The following TLCD4 variants were observed in gnomAD, a reference collection of about 807,000 sequenced individuals.
TLCD4 encodes the protein TLC domain-containing protein 4.
TLCD4 carries 7 observed loss-of-function variants against 24.2 expected under a neutral mutation model. The observed-to-expected ratio is 0.29, with a 90% CI of 0.16 to 0.54. The LOEUF (loss-of-function observed/expected upper bound fraction) is 0.54. TLCD4 is among the 20% of genes least tolerant of loss of function. The probability of loss-of-function intolerance (pLI) is 0.95; values close to 1 mark genes in which losing one functional copy is unlikely to be tolerated. For missense variants in TLCD4, 259 were observed against 313.9 expected (o/e 0.82, Z 1.32); for synonymous variants, 103 against 106.4 (o/e 0.97, Z 0.20).
intron 1 of TLCD4, among the ~76,000 whole-genome samples, chr1:95,119,161 A>T (rs1033000017): frequency 1.3e-4 from 20 of 152,208 alleles, no homozygotes; most frequent in African/African-American, 4.6e-4. Context: ...GGTCTTTGCT[A>T]CTAATGCTTT....
In TLCD4 at chr1:95,194,898, C is replaced by T. The variant is rs1439628882; in HGVS notation, c.*3030C>T. On this transcript the variant is annotated 3_prime_UTR_variant, in exon 7 of 7. Coordinates refer to ENST00000370203, the MANE Select transcript of TLCD4 (RefSeq NM_152487.3). ...ATGAGTGCAAAGAAATTGACTTCTG[C>T]TCAAATATGTGTTGATACCCTACAG... 6.6e-6 allele frequency: 1 copy of T among 152,110 alleles called. No individual in the cohort carries two copies. The highest frequency in any genetic ancestry group is 1.9e-4 in the East Asian group (1 of 5,196). 9.4% of individuals were successfully genotyped at this position (152,110 alleles called of 1,614,324 possible). A position where few individuals can be genotyped will look rare whatever the true frequency, so the allele number is the denominator to read the frequency against.
At chr1:95,097,049 A>G in the TLCD4 span, among the ~76,000 whole-genome samples, 1 of 151,652 alleles carries the variant, frequency 6.6e-6, no homozygotes, top group Non-Finnish European at 1.5e-5. Flanking sequence ...CTCCTTCCAC[A>G]TCTCCAAGTT....
intron 6 of TLCD4, among the ~76,000 whole-genome samples, chr1:95,190,919 T>C (rs1034988253): frequency 6.6e-6 from 1 of 152,198 alleles, no homozygotes; most frequent in Non-Finnish European, 1.5e-5. Context: ...TTTTTCCTAG[T>C]GTGTGGTTGT....
intron 1 of TLCD4, among the ~76,000 whole-genome samples, chr1:95,119,737 G>A (rs1676519180): frequency 6.6e-6 from 1 of 152,084 alleles, no homozygotes; most frequent in African/African-American, 2.4e-5. Context: ...CTCTCTCAAA[G>A]CTGGTCTTGC....
At chr1:95,159,618 C>G (rs1420280924) in intron 5 of TLCD4, among the ~76,000 whole-genome samples, 1 of 152,138 alleles carries the variant, frequency 6.6e-6, no homozygotes, top group African/African-American at 2.4e-5. Flanking sequence ...AGGTTTTCTT[C>G]TAGAGTTTTT....
rs1326824966 is a variant in TLCD4, at chr1:95,158,269, C to G, written c.399+6850C>G. Among the ~76,000 whole-genome samples the G allele has an allele frequency of 2.0e-5, 3 of 148,928 alleles. No individual in the cohort carries two copies. The East Asian group carries it at 6.0e-4, about 30-fold the overall frequency. The stretch of plus-strand genomic sequence containing the variant: ...GTGGCACTGTCAGGGCTCACTGCAG[C>G]CTTGACCTCCCAGGGCCAAGCGATC... On this transcript the variant is annotated intron_variant, in intron 5 of 6. Transcript: ENST00000370203.
intron 1 of TLCD4, among the ~76,000 whole-genome samples, chr1:95,139,455 ATTTTTTTTT>A (rs200337389): frequency 3.2e-5 from 3 of 93,992 alleles, no homozygotes; most frequent in East Asian, 2.8e-4. Flanking sequence ...TAAACCTTTG[ATTTTTTTTT>A]TTTTTTTTTT....
chr1:95,152,190 T>C (rs1197614550), intron 5 of TLCD4, among the ~76,000 whole-genome samples: 1 of 152,010 alleles, frequency 6.6e-6, no homozygotes, highest in African/African-American at 2.4e-5. Flanking sequence ...TTAGATGAAA[T>C]GATGAATGTT....
chr1:95,097,359 C>T, the TLCD4 span, among the ~76,000 whole-genome samples: 1 of 152,194 alleles, frequency 6.6e-6, no homozygotes, highest in African/African-American at 2.4e-5. Flanking sequence ...AACCCAAGTT[C>T]TCTAGGCACA....
At chr1:95,171,933 C>T (rs1451772528) in intron 5 of TLCD4, among the ~76,000 whole-genome samples, 1 of 152,168 alleles carries the variant, frequency 6.6e-6, no homozygotes, top group African/African-American at 2.4e-5. Flanking sequence ...CCCTAATCCA[C>T]TATGACTGGT....
At chr1:95,149,915 T>C (rs1345320808) in intron 3 of TLCD4, among the ~76,000 whole-genome samples, 2 of 152,186 alleles carry the variant, frequency 1.3e-5, no homozygotes, top group African/African-American at 4.8e-5. Context: ...TATTAAATAT[T>C]TGTAGTCCAG....
intron 5 of TLCD4, among the ~76,000 whole-genome samples, chr1:95,160,546 G>A (rs1450792616): frequency 6.6e-6 from 1 of 152,154 alleles, no homozygotes; most frequent in Non-Finnish European, 1.5e-5. Context: ...ATACTATGTT[G>A]AATAGGAGTG....
intron 1 of TLCD4, among the ~76,000 whole-genome samples, chr1:95,133,380 A>G (rs866576638): frequency 2.8e-4 from 30 of 106,032 alleles, no homozygotes; most frequent in African/African-American, 1.5e-3. Context: ...AACTTAAAGT[A>G]TAATTAAAAA....
upstream of TLCD4, among the ~76,000 whole-genome samples, chr1:95,115,322 G>C (rs968611276): frequency 6.6e-6 from 1 of 152,012 alleles, no homozygotes; most frequent in African/African-American, 2.4e-5. Flanking sequence ...TGGTCAGGCT[G>C]GTCTCGAACT....
In TLCD4 at chr1:95,192,043, T is replaced by C; in HGVS notation, c.*175T>C. ...CGGGCACGGTGGCTCATGCCTGTAA[T>C]CCCAGCACTTTGGGAGGCCAAGGTG... is the stretch of plus-strand genomic sequence containing the variant. On this transcript the variant is annotated 3_prime_UTR_variant, in exon 7 of 7. Coordinates refer to ENST00000370203, the MANE Select transcript of TLCD4 (RefSeq NM_152487.3). The C allele has an allele frequency of 7.1e-7, 1 of 1,405,018 alleles. No individual in the cohort carries two copies. The highest frequency in any genetic ancestry group is 9.2e-7 in the Non-Finnish European group (1 of 1,084,026). The allele number at this position is 1,405,018 out of a possible 1,614,324, so 87.0% of individuals were successfully genotyped here.
chr1:95,118,922 T>C (rs1009318203), intron 1 of TLCD4, among the ~76,000 whole-genome samples: 4 of 152,148 alleles, frequency 2.6e-5, no homozygotes, highest in Non-Finnish European at 5.9e-5. Context: ...ACCCAGAGAA[T>C]ATTTTGAGGG....
intron 6 of TLCD4, among the ~76,000 whole-genome samples, chr1:95,178,243 G>A (rs575560983): frequency 6.4e-4 from 93 of 145,686 alleles, no homozygotes; most frequent in African/African-American, 2.3e-3. Context: ...CACTGCACCC[G>A]GCCTCTTTTT....
rs566494988 is a variant in TLCD4, at chr1:95,194,614, A to G, written c.*2746A>G. Reference sequence around the variant, plus strand: ...TTGATATAAATTTTTGAGCAATTCTATTTTTGTAGAAAAAAGATAACCTGT... The same window carrying G: ...TTGATATAAATTTTTGAGCAATTCTGTTTTTGTAGAAAAAAGATAACCTGT... On this transcript the variant is annotated 3_prime_UTR_variant, in exon 7 of 7. Transcript: ENST00000370203. 1 of 152,258 alleles carries G rather than the reference A, an allele frequency of 6.6e-6. No homozygotes were observed. Among genetic ancestry groups the G allele is most frequent in the Non-Finnish European group, 1.5e-5 (1 of 67,982 alleles). The allele number at this position is 152,258 out of a possible 1,614,324, so 9.4% of individuals were successfully genotyped here. A position where few individuals can be genotyped will look rare whatever the true frequency, so the allele number is the denominator to read the frequency against.
At chr1:95,164,053 C>T (rs1173724295) in intron 5 of TLCD4, 1 of 152,416 alleles carries the variant, frequency 6.6e-6, no homozygotes, top group African/African-American at 2.4e-5. Flanking sequence ...TTTAATTCTG[C>T]AGAAGTTTCT....
Sources: allele counts gnomAD v4.1 joint callset (sites outside exome capture counted in the v4.1 genomes callset), GRCh38; gene constraint gnomAD v4.1.1; transcripts MANE v1.5; gene names NCBI Gene and HGNC (gene_info 2026-07-23, HGNC 2026-07-21).